Variants in TANC2 observed in about 807,000 individuals in gnomAD.
The protein encoded by TANC2 is protein TANC2.
Under a neutral mutation model 210.5 loss-of-function variants are expected in TANC2, and 26 were observed. That is an observed-to-expected ratio of 0.12 (90% CI 0.09 to 0.17). The LOEUF (loss-of-function observed/expected upper bound fraction) is 0.17, where lower values mean the gene tolerates loss of function less well. TANC2 is among the 10% of genes least tolerant of loss of function. TANC2 has a pLI of 1.00. For synonymous variants in TANC2, 931 were observed against 967.1 expected (o/e 0.96, Z 0.69); for missense variants, 2,129 against 2,608.9 (o/e 0.82, Z 4.01).
chr17:63,284,274 G>T (rs141351589), intron 9 of TANC2, among the ~76,000 whole-genome samples: 1 of 151,636 alleles, frequency 6.6e-6, no homozygotes, highest in Non-Finnish European at 1.5e-5. Flanking sequence ...ATCTAACTTC[G>T]CATTCCTAAG....
At chr17:63,340,167 A>C (rs2046179193) in exon 12 of TANC2, 4 of 1,613,886 alleles carry the variant, frequency 2.5e-6, no homozygotes, top group Non-Finnish European at 2.5e-6. Flanking sequence ...ATTTGTCCAC[A>C]ATGTTGCTGC....
At chr17:63,132,161 C>A (rs937880585) in intron 4 of TANC2, among the ~76,000 whole-genome samples, 15 of 152,128 alleles carry the variant, frequency 9.9e-5, no homozygotes, top group African/African-American at 3.6e-4. Context: ...CGATTTATTT[C>A]TATTGAGATT....
intron 1 of TANC2, among the ~76,000 whole-genome samples, chr17:62,985,306 TTC>T (rs1225962129): frequency 6.6e-6 from 1 of 152,172 alleles, no homozygotes. Flanking sequence ...GTTTTTAGAA[TTC>T]TTTTTCTTTT....
chr17:63,163,995 T>C (rs949733456), intron 5 of TANC2, among the ~76,000 whole-genome samples: 4 of 151,714 alleles, frequency 2.6e-5, no homozygotes, highest in Non-Finnish European at 5.9e-5. Context: ...TTTTAAATAG[T>C]AGTAGTAGGG....
At chr17:63,121,010 T>TC (rs1286612472) in intron 4 of TANC2, among the ~76,000 whole-genome samples, 9 of 152,034 alleles carry the variant, frequency 5.9e-5, no homozygotes, top group African/African-American at 2.2e-4. Context: ...AAACATGTTG[T>TC]CCTAATAACA....
intron 1 of TANC2, among the ~76,000 whole-genome samples, chr17:62,999,536 C>G (rs555233708): frequency 1.1e-3 from 126 of 119,246 alleles, no homozygotes; most frequent in African/African-American, 4.8e-3. Flanking sequence ...ACAGGGGCAC[C>G]CAAATTCATA....
chr17:63,086,030 T>C (rs1362842588), intron 3 of TANC2, among the ~76,000 whole-genome samples: 2 of 148,044 alleles, frequency 1.4e-5, no homozygotes, highest in Non-Finnish European at 3.0e-5. Context: ...TCTAGGTTTG[T>C]TTTTTTTTTA....
rs770714662 is a variant in TANC2 at position 63,420,100 on chromosome 17, G to A, written c.4370G>A (p.Arg1457Lys). The A allele has an allele frequency of 6.4e-6, 10 of 1,551,986 alleles. No individual in the cohort carries two copies. In the South Asian group the frequency reaches 1.1e-4, roughly 17 times the overall value. ...CTGCTGAGAGTGGAAGAAGAGTGTA[G>A]ACAGATGCAGCAGCCACAGCAGCCA... The change falls in exon 28 of 28, where the codon AGA (arginine) becomes AAA (lysine). Residue 1457 changes from arginine (R) to lysine (K), a missense_variant. Around this residue, in one of 5 missense-constraint regions of TANC2, gnomAD observed 584 missense variants for 627.3 expected, o/e 0.93. Transcript: ENST00000689528. This position sits in a 1 kb window ranked among gnomAD's most constrained non-coding sequence, Gnocchi z 4.2.
At chr17:63,259,036 A>G (rs2043281149) in intron 8 of TANC2, among the ~76,000 whole-genome samples, 1 of 152,196 alleles carries the variant, frequency 6.6e-6, no homozygotes, top group South Asian at 2.1e-4. Flanking sequence ...TATAATCAAC[A>G]AATAATGAAT....
chr17:63,284,099 A>G (rs572825698), intron 9 of TANC2, among the ~76,000 whole-genome samples: 1 of 152,078 alleles, frequency 6.6e-6, no homozygotes, highest in African/African-American at 2.4e-5. Context: ...TTCTCCATAG[A>G]TGTTCCATAT....
At chr17:63,151,928 C>G (rs909988761) in intron 5 of TANC2, 3 of 152,098 alleles carry the variant, frequency 2.0e-5, no homozygotes, top group Admixed American at 1.3e-4. Flanking sequence ...TTAGAAATAC[C>G]TCTTGTGAAT....
chr17:63,305,097 T>C (rs2044856811), intron 9 of TANC2, among the ~76,000 whole-genome samples: 1 of 152,136 alleles, frequency 6.6e-6, no homozygotes, highest in African/African-American at 2.4e-5. Flanking sequence ...GTGGTGCTGG[T>C]CACCACCCCC....
At chr17:63,224,020 C>G (rs2042263975) in intron 7 of TANC2, among the ~76,000 whole-genome samples, 1 of 152,166 alleles carries the variant, frequency 6.6e-6, no homozygotes, top group Admixed American at 6.5e-5. Context: ...AGAGCTCCAA[C>G]TTCCTTTTCA....
chr17:63,354,094 A>G (rs1218198024), intron 13 of TANC2, among the ~76,000 whole-genome samples: 1 of 152,068 alleles, frequency 6.6e-6, no homozygotes, highest in Non-Finnish European at 1.5e-5. Flanking sequence ...GATGCAGGAG[A>G]GGGAATGGGT....
chr17:63,155,971 A>G (rs2039821949), intron 5 of TANC2, among the ~76,000 whole-genome samples: 1 of 152,110 alleles, frequency 6.6e-6, no homozygotes, highest in Non-Finnish European at 1.5e-5. Flanking sequence ...AGTCATGGTC[A>G]TTTCCATTAA....
rs973218012 is a variant in TANC2 at position 63,091,927 on chromosome 17, T to C, written c.140-7248T>C. ...TAGTTCTCCTTGAAGAGCTCCTTCA[T>C]ATCCCTTGTAAGTTGGATTCCTAGG... On this transcript the variant is annotated intron_variant, in intron 3 of 27. Transcript: ENST00000689528. 2.6e-5 allele frequency among the ~76,000 whole-genome samples: 4 copies of C among 152,246 alleles called. No homozygotes were observed. In the South Asian group the frequency reaches 6.2e-4, roughly 24 times the overall value.
At chr17:63,114,859 A>G (rs2145070941) in intron 4 of TANC2, among the ~76,000 whole-genome samples, 1 of 152,290 alleles carries the variant, frequency 6.6e-6, no homozygotes, top group Middle Eastern at 3.4e-3. Context: ...ATCTCTCTCC[A>G]CCCTTAAGTT....
At chr17:63,102,139 A>T (rs2037646152) in intron 4 of TANC2, among the ~76,000 whole-genome samples, 1 of 152,068 alleles carries the variant, frequency 6.6e-6, no homozygotes, top group Non-Finnish European at 1.5e-5. Flanking sequence ...TGTCTCTACA[A>T]CAAATAATTT....
chr17:63,011,948 A>G (rs576823635), intron 2 of TANC2, among the ~76,000 whole-genome samples: 2 of 149,302 alleles, frequency 1.3e-5, no homozygotes, highest in South Asian at 2.1e-4. Flanking sequence ...TACTTGGCCT[A>G]TCCATTCTAT....
Sources: gnomAD v4.1 joint callset for allele counts (sites outside exome capture counted in the v4.1 genomes callset) on GRCh38, gnomAD v4.1.1 for gene constraint, gnomAD v4.1.1 regional missense constraint, Gnocchi (gnomAD v3.1) non-coding constraint, MANE v1.5 for transcripts, NCBI Gene and HGNC (gene_info 2026-07-23, HGNC 2026-07-21) for gene names.